SRGAP1: variants seen among roughly 807,000 people sequenced by gnomAD.
The protein encoded by SRGAP1 is SLIT-ROBO Rho GTPase-activating protein 1.
In SRGAP1, 43 loss-of-function variants were observed where a neutral mutation model predicts 121.9. The ratio of observed to expected loss-of-function variants is 0.35; its 90% CI spans 0.28 to 0.46. The LOEUF is 0.46. Ranked by LOEUF, SRGAP1 falls within the 20% of genes least tolerant of loss-of-function variation. The probability of loss-of-function intolerance (pLI) is 1.00; values close to 1 mark genes in which losing one functional copy is unlikely to be tolerated. For missense variants in SRGAP1, 1,102 were observed against 1,350.9 expected (o/e 0.82, Z 2.89); for synonymous variants, 447 against 485.4 (o/e 0.92, Z 1.04).
Position 64,042,980 on chromosome 12 carries a change from A to G in SRGAP1, c.672+8A>G. ...GAAAAAATGAAAGAAAAAGTAAGTA[A>G]AGAGATTGCAGAGCTCTTCTGCCTT... On this transcript the variant is annotated splice_region_variant and intron_variant, in intron 5 of 21. Coordinates refer to ENST00000355086, the MANE Select transcript of SRGAP1 (RefSeq NM_020762.4). The G allele has an allele frequency of 1.2e-6, 2 of 1,602,394 alleles. No individual in the cohort carries two copies. Among genetic ancestry groups the G allele is most frequent in the African/African-American group, 2.7e-5 (2 of 74,568 alleles).
rs2036126583 is a variant in SRGAP1 at position 64,094,980 on chromosome 12, A to G, written c.1588A>G (p.Ile530Val). The change falls in exon 13 of 22, where the codon ATC (isoleucine) becomes GTC (valine). Residue 530 changes from isoleucine (I) to valine (V), a missense_variant. By Grantham distance (29) the Ile-to-Val change is conservative (BLOSUM62 3). This residue lies in a region of SRGAP1 where 747 missense variants were observed against 929.4 expected (regional missense o/e 0.80). Coordinates refer to ENST00000355086, the MANE Select transcript of SRGAP1 (RefSeq NM_020762.4). Reference protein sequence around the residue: ...PLIVESCIRFINLYGLQHQGI... With the variant: ...PLIVESCIRFVNLYGLQHQGI... ...CATTGTGGAAAGCTGTATTCGGTTC[A>G]TCAATCTCTATGGTAAGCCATAAAC... is the stretch of plus-strand genomic sequence containing the variant. 4.3e-6 allele frequency: 7 copies of G among 1,614,122 alleles called. No individual in the cohort carries two copies. The highest frequency in any genetic ancestry group is 5.1e-6 in the Non-Finnish European group (6 of 1,179,996).
At chr12:64,000,239 G>GGGGTGT (rs375204504) in intron 3 of SRGAP1, among the ~76,000 whole-genome samples, 19 of 131,552 alleles carry the variant, frequency 1.4e-4, no homozygotes, top group Middle Eastern at 3.9e-3. Context: ...GAAAGGTAGG[G>GGGGTGT]GTGTGTGTGT....
intron 19 of SRGAP1, among the ~76,000 whole-genome samples, chr12:64,126,784 A>C (rs1171683533): frequency 1.3e-5 from 2 of 152,216 alleles, no homozygotes; most frequent in East Asian, 3.8e-4. Context: ...GGAAGCCAAG[A>C]AATGTGTGTA....
rs1405690039 is a variant in SRGAP1 at position 64,153,011 on chromosome 12, A to T, written c.*10339A>T. 2.0e-5 allele frequency: 3 copies of T among 152,082 alleles called. No individual in the cohort carries two copies. The highest frequency in any genetic ancestry group is 2.0e-4 in the Admixed American group (3 of 15,260). The allele number at this position is 152,082 out of a possible 1,614,324, so 9.4% of individuals were successfully genotyped here. A position where few individuals can be genotyped will look rare whatever the true frequency, so the allele number is the denominator to read the frequency against. On this transcript the variant is annotated 3_prime_UTR_variant, in exon 22 of 22. Transcript: ENST00000355086. ...TAACTGCTACAAAAAGCAAAAGTGA[A>T]ATAAACAGGGTGATAGAATTTAGAG...
chr12:63,911,298 CAAAAA>C (rs10715790), intron 1 of SRGAP1, among the ~76,000 whole-genome samples: 1 of 90,244 alleles, frequency 1.1e-5, no homozygotes, highest in African/African-American at 4.4e-5. Context: ...GACTCTGTCT[CAAAAA>C]AAAAAAAAAA....
intron 18 of SRGAP1, 89 bp downstream of exon 18, chr12:64,115,982 C>A: frequency 1.6e-6 from 2 of 1,226,770 alleles, no homozygotes; most frequent in Non-Finnish European, 2.3e-6. Context: ...AGGCAAAGCA[C>A]AGTGGCTCCT....
intron 1 of SRGAP1, chr12:63,983,018 G>A (rs1281606850): frequency 6.6e-6 from 1 of 152,214 alleles, no homozygotes; most frequent in Non-Finnish European, 1.5e-5. Flanking sequence ...AAGGCCAGCT[G>A]AAGAGGCCTT....
intron 7 of SRGAP1, among the ~76,000 whole-genome samples, chr12:64,064,560 T>G (rs1456316418): frequency 6.6e-6 from 1 of 152,208 alleles, no homozygotes; most frequent in African/African-American, 2.4e-5. Flanking sequence ...CTAAGTTCCT[T>G]GTGTACGTTG....
chr12:63,900,001 C>G (rs1900883586), intron 1 of SRGAP1, among the ~76,000 whole-genome samples: 1 of 152,064 alleles, frequency 6.6e-6, no homozygotes, highest in Admixed American at 6.6e-5. Context: ...CTTGATAGAG[C>G]TCTTAACAGG....
chr12:64,087,094 A>G (rs1381294209), intron 11 of SRGAP1, 68 bp downstream of exon 11: 1 of 1,211,920 alleles, frequency 8.3e-7, no homozygotes, highest in Non-Finnish European at 1.2e-6. Context: ...CAACCATTTC[A>G]ATGCTGAAAG....
At chr12:63,971,764 G>T (rs939807941) in intron 1 of SRGAP1, among the ~76,000 whole-genome samples, 1 of 144,858 alleles carries the variant, frequency 6.9e-6, no homozygotes, top group African/African-American at 2.6e-5. Flanking sequence ...GTGTGTGTGG[G>T]TGTGTGTGTG....
chr12:64,070,971 T>G (rs993209020), intron 8 of SRGAP1, among the ~76,000 whole-genome samples: 1 of 152,172 alleles, frequency 6.6e-6, no homozygotes, highest in African/African-American at 2.4e-5. Context: ...TTAAGTATAA[T>G]TGCTGTTTTG....
intron 1 of SRGAP1, among the ~76,000 whole-genome samples, chr12:63,972,339 A>G (rs1300007235): frequency 6.6e-6 from 1 of 152,258 alleles, no homozygotes; most frequent in Non-Finnish European, 1.5e-5. Flanking sequence ...TTAGAACATT[A>G]TGATATTCAA....
intron 1 of SRGAP1, among the ~76,000 whole-genome samples, chr12:63,975,694 C>T (rs1294124620): frequency 6.6e-6 from 1 of 152,130 alleles, no homozygotes; most frequent in Non-Finnish European, 1.5e-5. Flanking sequence ...CTTGCAGCTA[C>T]ATACTGGGCA....
intron 4 of SRGAP1, among the ~76,000 whole-genome samples, chr12:64,042,301 A>C (rs545661933): frequency 2.9e-4 from 44 of 152,262 alleles, no homozygotes; most frequent in African/African-American, 1.1e-3. Context: ...TCAGAAAAAC[A>C]ATGTTTTTTC....
At chr12:63,868,053 TATA>T (rs202116500) in intron 1 of SRGAP1, among the ~76,000 whole-genome samples, 826 of 35,584 alleles carry the variant, frequency 0.023, 6 homozygotes, top group African/African-American at 0.051. Context: ...TATATATATA[TATA>T]TTTTTTTTTT....
chr12:63,888,917 C>T (rs752498538), intron 1 of SRGAP1, among the ~76,000 whole-genome samples: 3 of 152,204 alleles, frequency 2.0e-5, no homozygotes, highest in Non-Finnish European at 4.4e-5. Context: ...CTGCCCCAAA[C>T]CAAGGTTGCA....
intron 1 of SRGAP1, among the ~76,000 whole-genome samples, chr12:63,974,452 ATTTAC>A (rs1485312908): frequency 6.6e-6 from 1 of 152,106 alleles, no homozygotes; most frequent in Non-Finnish European, 1.5e-5. Context: ...ATTTTTTGAA[ATTTAC>A]TTTACTTTCA....
At chr12:64,026,674 C>T (rs1486240537) in intron 4 of SRGAP1, among the ~76,000 whole-genome samples, 1 of 151,502 alleles carries the variant, frequency 6.6e-6, no homozygotes, top group African/African-American at 2.4e-5. Flanking sequence ...CGAGACCAGC[C>T]TGGCCAACAT....
Sources: allele counts gnomAD v4.1 joint callset (sites outside exome capture counted in the v4.1 genomes callset), GRCh38; gene constraint gnomAD v4.1.1; regional missense constraint gnomAD v4.1.1; transcripts MANE v1.5; gene names NCBI Gene and HGNC (gene_info 2026-07-23, HGNC 2026-07-21).